Variants in NELL2 observed in about 807,000 individuals in gnomAD.
NELL2 encodes the protein neural EGFL like 2.
A neutral mutation model predicts 109.6 loss-of-function variants in NELL2; 41 were observed. The ratio of observed to expected loss-of-function variants is 0.37; its 90% CI spans 0.29 to 0.49. The LOEUF is 0.49. Ranked by LOEUF, NELL2 falls within the 20% of genes least tolerant of loss-of-function variation. The probability of loss-of-function intolerance (pLI) is 0.98; values close to 1 mark genes in which losing one functional copy is unlikely to be tolerated. For missense variants in NELL2, 900 were observed against 1,008.3 expected, an observed-to-expected ratio of 0.89 and a Z score of 1.45; for synonymous variants, 355 against 344.7, an observed-to-expected ratio of 1.03 and a Z score of -0.33.
intron 13 of NELL2, among the ~76,000 whole-genome samples, chr12:44,623,207 T>C (rs866825641): frequency 1.6e-4 from 24 of 152,120 alleles, no homozygotes; most frequent in African/African-American, 4.3e-4. Flanking sequence ...TAGATACAAC[T>C]GTATTTCTTT....
intron 9 of NELL2, among the ~76,000 whole-genome samples, chr12:44,759,273 A>G (rs963546585): frequency 1.3e-5 from 2 of 152,164 alleles, no homozygotes; most frequent in African/African-American, 4.8e-5. Flanking sequence ...GTCCCTTTCA[A>G]TGTGACTTTA....
At chr12:44,780,943 G>A (rs1566378806) in intron 3 of NELL2, among the ~76,000 whole-genome samples, 1 of 152,018 alleles carries the variant, frequency 6.6e-6, no homozygotes, top group Non-Finnish European at 1.5e-5. Context: ...AAACAGGCGG[G>A]TTAAATAAGA....
intron 15 of NELL2, among the ~76,000 whole-genome samples, chr12:44,580,495 T>C (rs1227317617): frequency 1.3e-5 from 2 of 152,082 alleles, no homozygotes; most frequent in South Asian, 4.1e-4. Flanking sequence ...GGTGGGCAGA[T>C]TGCCTGAGCT....
At chr12:44,651,369 A>T (rs1262842599) in intron 13 of NELL2, among the ~76,000 whole-genome samples, 1 of 152,176 alleles carries the variant, frequency 6.6e-6, no homozygotes, top group African/African-American at 2.4e-5. Flanking sequence ...GATATTTTCC[A>T]CTTTACTGAC....
chr12:44,865,317 G>A (rs2136818856), intron 2 of NELL2, among the ~76,000 whole-genome samples: 1 of 147,240 alleles, frequency 6.8e-6, no homozygotes, highest in South Asian at 2.3e-4. Context: ...CCATGTTGTA[G>A]GTTGCCTGTT....
At chr12:44,516,497 CT>C (rs1428344694) in intron 19 of NELL2, among the ~76,000 whole-genome samples, 8 of 152,064 alleles carry the variant, frequency 5.3e-5, no homozygotes, top group African/African-American at 1.7e-4. Flanking sequence ...TTAGGAGAAA[CT>C]TTTTTACTAT....
At chr12:44,720,232 T>A (rs2136452604) in intron 9 of NELL2, among the ~76,000 whole-genome samples, 1 of 152,324 alleles carries the variant, frequency 6.6e-6, no homozygotes, top group East Asian at 1.9e-4. Flanking sequence ...CAGAGTGTCT[T>A]ACTTGTCTTT....
Position 44,745,925 on chromosome 12 carries a change from T to C in NELL2, c.994+28822A>G, listed in dbSNP as rs550987939. On this transcript the variant is annotated intron_variant, in intron 9 of 19. Coordinates refer to ENST00000429094, the MANE Select transcript of NELL2 (RefSeq NM_001145108.2). ...CCCCATCAAGCTACCAATGACTTTC[T>C]TCACAGAATTGGAAAAAACTGCTTT... Among the ~76,000 whole-genome samples, 18 of 152,332 alleles carry C rather than the reference T, an allele frequency of 1.2e-4. No homozygotes were observed. The East Asian group carries it at 3.1e-3, about 26-fold the overall frequency.
At chr12:44,611,947 C>T (rs1178247976) in intron 13 of NELL2, among the ~76,000 whole-genome samples, 1 of 152,054 alleles carries the variant, frequency 6.6e-6, no homozygotes, top group Admixed American at 6.6e-5. Flanking sequence ...TACAGTGGCA[C>T]TACTTAGTAC....
intron 15 of NELL2, among the ~76,000 whole-genome samples, chr12:44,593,086 A>G (rs904305000): frequency 3.9e-5 from 6 of 152,192 alleles, no homozygotes; most frequent in Admixed American, 3.9e-4. Context: ...AAAAAAGAAA[A>G]GCATTCATGA....
At chr12:44,585,712 G>A (rs1030134604) in intron 15 of NELL2, among the ~76,000 whole-genome samples, 1 of 151,428 alleles carries the variant, frequency 6.6e-6, no homozygotes. Flanking sequence ...AATTTTGCAT[G>A]GGTATATAAA....
chr12:44,638,951 T>G (rs983430102), intron 13 of NELL2, among the ~76,000 whole-genome samples: 4 of 152,200 alleles, frequency 2.6e-5, no homozygotes, highest in African/African-American at 9.6e-5. Context: ...TTAATTTTAA[T>G]AGTATATTTT....
At chr12:44,902,945 A>C (rs1490502164) in intron 1 of NELL2, among the ~76,000 whole-genome samples, 1 of 152,220 alleles carries the variant, frequency 6.6e-6, no homozygotes, top group East Asian at 1.9e-4. Flanking sequence ...AAAACCATAA[A>C]AACCCTAGAA....
chr12:44,883,584 C>A (rs1284429278), intron 1 of NELL2, among the ~76,000 whole-genome samples: 3 of 152,044 alleles, frequency 2.0e-5, no homozygotes, highest in African/African-American at 7.3e-5. Flanking sequence ...CTCCATTCTC[C>A]TGGCTACCAC....
chr12:44,611,385 T>C (rs1265188706), intron 13 of NELL2, among the ~76,000 whole-genome samples: 1 of 152,012 alleles, frequency 6.6e-6, no homozygotes, highest in Non-Finnish European at 1.5e-5. Context: ...TCATGACCTG[T>C]AGGATAATAA....
intron 15 of NELL2, among the ~76,000 whole-genome samples, chr12:44,559,493 A>G (rs1356330447): frequency 6.6e-6 from 1 of 152,162 alleles, no homozygotes. Flanking sequence ...TATTTACCAA[A>G]CAAATGGAAA....
rs553527198 is a variant in NELL2 at position 44,870,806 on chromosome 12, T to C, written c.184+4419A>G. 7.9e-5 allele frequency among the ~76,000 whole-genome samples: 12 copies of C among 152,306 alleles called. No individual in the cohort carries two copies. In the South Asian group the frequency reaches 2.3e-3, roughly 29 times the overall value. ...ACCCAGATAACCTATGATAGCCTCC[T>C]AATCTTAAAGTCAGCTGATGAGCAA... On this transcript the variant is annotated intron_variant, in intron 2 of 19. Coordinates refer to ENST00000429094, the MANE Select transcript of NELL2 (RefSeq NM_001145108.2).
chr12:44,588,875 T>C (rs1161887858), intron 15 of NELL2, among the ~76,000 whole-genome samples: 1 of 152,222 alleles, frequency 6.6e-6, no homozygotes, highest in Non-Finnish European at 1.5e-5. Context: ...CTTCCATCCC[T>C]TGCCTTTGGT....
chr12:44,776,143 C>T lies in NELL2; in HGVS notation c.770G>A (p.Arg257Gln), dbSNP rs111769386. 5,135 of 1,613,296 alleles carry T rather than the reference C, an allele frequency of 3.2e-3. 21 individuals are homozygous for T. The highest frequency in any genetic ancestry group is 0.014 in the Middle Eastern group (82 of 6,062). The change falls in exon 8 of 20, where the codon CGA becomes CAA. Residue 257 changes from arginine to glutamine, a missense_variant. By Grantham distance (43) the Arg-to-Gln change is conservative. Around this residue, in one of 4 missense-constraint regions of NELL2, gnomAD observed 75 missense variants for 118.9 expected, o/e 0.63. Transcript: ENST00000429094. ...ILAKTSAKLS[R>Q]AEQRMNRLDQ... The stretch of plus-strand genomic sequence containing the variant: ...CAATCTATTCATTCGCTGTTCAGCT[C>T]GAGACAGCTGTGGCACAAAAGAACG...
Sources: gnomAD v4.1 joint callset for allele counts (sites outside exome capture counted in the v4.1 genomes callset) on GRCh38, gnomAD v4.1.1 for gene constraint, gnomAD v4.1.1 regional missense constraint, MANE v1.5 for transcripts, NCBI Gene and HGNC (gene_info 2026-07-23, HGNC 2026-07-21) for gene names.